CFAP74: variants seen among roughly 807,000 people sequenced by gnomAD.
CFAP74 encodes cilia and flagella associated protein 74.
In CFAP74, 124 loss-of-function variants were observed where a neutral mutation model predicts 188.9. The observed-to-expected ratio is 0.66, with a 90% CI of 0.57 to 0.76. CFAP74 has a LOEUF of 0.76. CFAP74 is among the 30% of genes least tolerant of loss of function. CFAP74 has a pLI of 0.00. For missense variants in CFAP74, 2,198 were observed against 2,165.2 expected (o/e 1.02, Z -0.30); for synonymous variants, 956 against 916.7 (o/e 1.04, Z -0.77).
At chr1:1,943,403 C>G (rs143503247) in intron 21 of CFAP74, among the ~76,000 whole-genome samples, 6,509 of 152,332 alleles carry the variant, frequency 0.043, 200 homozygotes, top group Non-Finnish European at 0.067. Context: ...GGAGGACAGG[C>G]GCCGCGGGAG....
intron 18 of CFAP74, among the ~76,000 whole-genome samples, chr1:1,949,989 G>A (rs955739046): frequency 7.2e-5 from 11 of 152,044 alleles, no homozygotes; most frequent in African/African-American, 2.7e-4. Context: ...TCACATACAG[G>A]TTTTTGCGGG....
intron 12 of CFAP74, among the ~76,000 whole-genome samples, chr1:1,965,967 A>G (rs951196607): frequency 6.6e-6 from 1 of 152,234 alleles, no homozygotes; most frequent in Admixed American, 6.5e-5. Flanking sequence ...CAGATGGGGC[A>G]TGTTTCTTAC....
intron 6 of CFAP74, among the ~76,000 whole-genome samples, chr1:1,983,067 G>C (rs969752608): frequency 6.6e-6 from 1 of 152,188 alleles, no homozygotes; most frequent in African/African-American, 2.4e-5. Flanking sequence ...GGAGCACCCA[G>C]ACCAATCCTG....
intron 29 of CFAP74, 46 bp from the exon 30 acceptor site, chr1:1,926,807 C>T: frequency 6.5e-7 from 1 of 1,547,604 alleles, no homozygotes; most frequent in Non-Finnish European, 8.7e-7. Context: ...CGGCCCCCTG[C>T]CCGCCCAGGC....
intron 6 of CFAP74, among the ~76,000 whole-genome samples, chr1:1,977,844 T>C (rs1656549672): frequency 6.6e-6 from 1 of 152,200 alleles, no homozygotes; most frequent in Non-Finnish European, 1.5e-5. Context: ...GGAAAGTTTG[T>C]TGTTGCTGTT....
At position 1,948,085 on chromosome 1, in the gene CFAP74, C is replaced by T. The variant is rs190911773; in HGVS notation, c.2177-1031G>A. On this transcript the variant is annotated intron_variant, in intron 18 of 38. Transcript: ENST00000682832. ...ACGGGGTTTCACCATATCGGCCAGA[C>T]TGGTCTCGAACTCCTGACCTTGTGA... 2.0e-3 allele frequency among the ~76,000 whole-genome samples: 310 copies of T among 151,994 alleles called. 2 individuals carry two copies. The highest frequency in any genetic ancestry group is 7.0e-3 in the African/African-American group (290 of 41,320).
At chr1:1,955,540 A>G in intron 18 of CFAP74, 151 bp downstream of exon 18, 1 of 1,610,872 alleles carries the variant, frequency 6.2e-7, no homozygotes, top group Non-Finnish European at 8.5e-7. Flanking sequence ...GGCACATAAG[A>G]ATATTTTCTT....
Position 1,990,968 on chromosome 1 carries a change from G to T in CFAP74, c.-12C>A. ...CCGTCATCCTCCATGCTGGGAGATA[G>T]AAATTAGCTGCAAAAGATGATCGCA... is the stretch of plus-strand genomic sequence containing the variant. On this transcript the variant is annotated 5_prime_UTR_variant, in exon 2 of 39. Coordinates refer to ENST00000682832, the MANE Select transcript of CFAP74 (RefSeq NM_001304360.2). The T allele has an allele frequency of 6.2e-7, 1 of 1,602,378 alleles. No homozygotes were observed.
chr1:1,939,798 A>G (rs1211110954), intron 23 of CFAP74, 31 bp from the exon 24 acceptor site: 1 of 1,524,056 alleles, frequency 6.6e-7, no homozygotes, highest in African/African-American at 1.4e-5. Flanking sequence ...GCGCCCTCGC[A>G]GCCACTCGGA....
At chr1:1,932,412 GA>G (rs1652487669) in intron 25 of CFAP74, among the ~76,000 whole-genome samples, 1 of 147,312 alleles carries the variant, frequency 6.8e-6, no homozygotes, top group African/African-American at 2.5e-5. Flanking sequence ...AAAAAAAAAA[GA>G]AAAGAAAAAT....
intron 25 of CFAP74, among the ~76,000 whole-genome samples, chr1:1,931,167 C>T (rs555363422): frequency 6.6e-6 from 1 of 152,324 alleles, no homozygotes; most frequent in African/African-American, 2.4e-5. Context: ...TGGTGGCTCA[C>T]ACCTGTAATC....
intron 25 of CFAP74, among the ~76,000 whole-genome samples, chr1:1,937,599 C>T (rs1467291164): frequency 1.3e-5 from 2 of 152,154 alleles, no homozygotes; most frequent in African/African-American, 2.4e-5. Flanking sequence ...GAAACAAAAG[C>T]GACCAAAACG....
At chr1:2,001,052 G>A (rs1658179544) in intron 1 of CFAP74, among the ~76,000 whole-genome samples, 1 of 152,092 alleles carries the variant, frequency 6.6e-6, no homozygotes, top group Non-Finnish European at 1.5e-5. Flanking sequence ...TGAGGAGGGT[G>A]AGGGTATGTG....
At chr1:1,989,643 T>G (rs1177902997) in intron 2 of CFAP74, among the ~76,000 whole-genome samples, 1 of 152,168 alleles carries the variant, frequency 6.6e-6, no homozygotes, top group Non-Finnish European at 1.5e-5. Context: ...ATATTTTTAG[T>G]AGAGAGAGGG....
In CFAP74 at chr1:1,923,904, G is replaced by A. The variant is rs144702864; in HGVS notation, c.4260C>T (p.Ser1420=). 1,560 of 1,612,076 alleles carry A rather than the reference G, an allele frequency of 9.7e-4. 6 individuals carry two copies. The African/African-American group carries it at 0.014, about 14-fold the overall frequency. The change falls in exon 35 of 39, where the codon AGC becomes AGT. Residue 1420 remains serine (S), a synonymous_variant. Transcript: ENST00000682832. This position sits in a 1 kb window ranked among gnomAD's most constrained non-coding sequence, Gnocchi z 6.3. Reference sequence around the variant, plus strand: ...CCTTGACGGGGGCCACGCTGAACACGCTCTGACCGTTGAGATTCTGCGTCC... The same window carrying A: ...CCTTGACGGGGGCCACGCTGAACACACTCTGACCGTTGAGATTCTGCGTCC... ...VVGTQNLNGQ[S]VFSVAPVKGV... is the part of the protein sequence containing the mutation.
intron 29 of CFAP74, 37 bp from the exon 30 acceptor site, chr1:1,926,798 G>A (rs1344615951): frequency 3.2e-5 from 50 of 1,545,982 alleles, no homozygotes; most frequent in Middle Eastern, 1.7e-4. Context: ...CAGGGTGGGC[G>A]GCCCCCTGCC....
rs757183570 is a variant in CFAP74 at position 1,963,881 on chromosome 1, AG to A, written c.1576-15del. ...AATATCAAAGTCCTGGGAAAGGCCG[AG>A]GTAGCAGCTTCAGAGCGGGTCACAG... is the stretch of plus-strand genomic sequence containing the variant. On this transcript the variant is annotated splice_polypyrimidine_tract_variant and intron_variant, in intron 13 of 38. Coordinates refer to ENST00000682832, the MANE Select transcript of CFAP74 (RefSeq NM_001304360.2). 6.4e-7 allele frequency: 1 copy of A among 1,561,486 alleles called. No homozygotes were observed. The highest frequency in any genetic ancestry group is 8.8e-7 in the Non-Finnish European group (1 of 1,132,456).
intron 14 of CFAP74, among the ~76,000 whole-genome samples, chr1:1,960,797 G>A (rs945656472): frequency 6.6e-5 from 10 of 152,340 alleles, no homozygotes; most frequent in East Asian, 3.9e-4. Flanking sequence ...TGGAGCTGCC[G>A]GGGAGAGGAG....
rs7523728 is a variant in CFAP74, at chr1:1,963,738, C to G, written c.1694+11G>C. 6.3e-7 allele frequency: 1 copy of G among 1,580,148 alleles called. No homozygotes were observed. The highest frequency in any genetic ancestry group is 8.7e-7 in the Non-Finnish European group (1 of 1,150,284). ...GCACCGCGTCCCTCCCTGTCTGAGC[C>G]GTCCTCTTACTCAACGTGGATGAAG... On this transcript the variant is annotated intron_variant, in intron 14 of 38. Transcript: ENST00000682832.
Sources: gnomAD v4.1 joint callset for allele counts (sites outside exome capture counted in the v4.1 genomes callset) on GRCh38, gnomAD v4.1.1 for gene constraint, Gnocchi (gnomAD v3.1) non-coding constraint, MANE v1.5 for transcripts, NCBI Gene and HGNC (gene_info 2026-07-23, HGNC 2026-07-21) for gene names.